Variants in KHDC4 observed in about 807,000 individuals in gnomAD.
The protein encoded by KHDC4 is KH domain containing 4, pre-mRNA splicing factor.
KHDC4 carries 19 observed loss-of-function variants against 74.5 expected under a neutral mutation model. The observed-to-expected ratio is 0.26, with a 90% CI of 0.18 to 0.37. The LOEUF is 0.37. Ranked by LOEUF, KHDC4 falls within the 10% of genes least tolerant of loss-of-function variation. The pLI, the probability that KHDC4 is intolerant of heterozygous loss-of-function variation, is 1.00. For missense variants in KHDC4, 632 were observed against 754.1 expected (o/e 0.84, Z 1.90); for synonymous variants, 253 against 266.1 (o/e 0.95, Z 0.48).
intron 4 of KHDC4, among the ~76,000 whole-genome samples, chr1:155,928,012 TAGC>T (rs1175015947): frequency 6.6e-6 from 1 of 152,024 alleles, no homozygotes; most frequent in Non-Finnish European, 1.5e-5. Flanking sequence ...TAATAAAAAG[TAGC>T]AGGTAAAAAT....
chr1:155,914,414 T>A, intron 13 of KHDC4, 94 bp from the exon 14 acceptor site: 1 of 1,061,410 alleles, frequency 9.4e-7, no homozygotes, highest in Non-Finnish European at 1.4e-6. Flanking sequence ...ATGTTAATTT[T>A]AAGTGGTTAG....
At chr1:155,930,936 G>C (rs1241641317) in intron 2 of KHDC4, among the ~76,000 whole-genome samples, 1 of 152,074 alleles carries the variant, frequency 6.6e-6, no homozygotes, top group South Asian at 2.1e-4. Context: ...GCTTGAAGCC[G>C]GGAGGCAGAG....
intron 11 of KHDC4, chr1:155,917,004 T>C (rs1026911631): frequency 3.1e-5 from 9 of 290,740 alleles, no homozygotes; most frequent in South Asian, 2.7e-4. Flanking sequence ...CTAGTTTCTA[T>C]AAACCTAGCT....
rs1203084935 is a variant in KHDC4 at position 155,929,307 on chromosome 1, T to C, written c.453A>G (p.Lys151=). Residue 151 remains lysine (K), a synonymous_variant, in exon 4 of 14, where the codon AAA becomes AAG. Coordinates refer to ENST00000368321, the MANE Select transcript of KHDC4 (RefSeq NM_014949.4). Reference sequence around the variant, plus strand: ...AAGAGAATACGCACCCTGGTCCCACTTTGGCTTTTTCCTCAGTTGTCATGA... The same window carrying C: ...AAGAGAATACGCACCCTGGTCCCACCTTGGCTTTTTCCTCAGTTGTCATGA... ...GRFMTTEEKA[K]VGPGDRPLYL... 3 of 1,612,948 alleles carry C rather than the reference T, an allele frequency of 1.9e-6. No individual in the cohort carries two copies. Among genetic ancestry groups the C allele is most frequent in the Non-Finnish European group, 2.5e-6 (3 of 1,178,956 alleles).
chr1:155,929,271 A>C (rs760461795), intron 4 of KHDC4, 25 bp downstream of exon 4: 2 of 1,554,302 alleles, frequency 1.3e-6, no homozygotes, highest in South Asian at 2.2e-5. Context: ...CAACCCTTCC[A>C]TAAACAAGAT....
chr1:155,931,999 G>A lies in KHDC4; in HGVS notation c.255+1634C>T, dbSNP rs75778845. ...TAGCCATTAGCCACATGTGTCTCTT[G>A]AGCACTTGGCAGGTGGCTAATGTGA... On this transcript the variant is annotated intron_variant, in intron 2 of 13. Coordinates refer to ENST00000368321, the MANE Select transcript of KHDC4 (RefSeq NM_014949.4). Among the ~76,000 whole-genome samples the A allele has an allele frequency of 1.4e-4, 21 of 152,312 alleles. No individual in the cohort carries two copies. In the East Asian group the frequency reaches 4.0e-3, roughly 29 times the overall value.
chr1:155,920,920 A>G (rs1673848507), intron 10 of KHDC4, among the ~76,000 whole-genome samples: 1 of 152,190 alleles, frequency 6.6e-6, no homozygotes, highest in Admixed American at 6.5e-5. Flanking sequence ...TTAGGCAAAC[A>G]ATGGCCAAGG....
At chr1:155,934,217 C>G (rs944303335) in intron 1 of KHDC4, 119 bp downstream of exon 1, 2 of 1,091,012 alleles carry the variant, frequency 1.8e-6, no homozygotes, top group Non-Finnish European at 2.6e-6. Context: ...TCTCCCCAAA[C>G]GTCCAGCCCT....
rs868673798 is a variant in KHDC4 at position 155,917,652 on chromosome 1, A to C, written c.1287T>G (p.Phe429Leu). 6.3e-7 allele frequency: 1 copy of C among 1,577,256 alleles called. No individual in the cohort carries two copies. The highest frequency in any genetic ancestry group is 2.3e-4 in the Middle Eastern group (1 of 4,380). The change falls in exon 11 of 14, where the codon TTT becomes TTG. Residue 429 changes from phenylalanine (F) to leucine (L), a missense_variant. Around this residue, in one of 4 missense-constraint regions of KHDC4, gnomAD observed 254 missense variants for 267.4 expected, o/e 0.95. Transcript: ENST00000368321. ...CAGTTTTGACAGGAGCAGCAGGAAT[A>C]AAAGGACCACCCATCGGACTCTGGG... Reference protein sequence around the residue: ...STGQSPMGGPFIPAAPVKTAL... With the variant: ...STGQSPMGGPLIPAAPVKTAL...
chr1:155,924,379 T>C lies in KHDC4; in HGVS notation c.894-692A>G, dbSNP rs187901444. On this transcript the variant is annotated intron_variant, in intron 7 of 13. Transcript: ENST00000368321. ...GCCTGCCACCATGCCTGGCTAATTTTTTTGTTTTATTTTTAGTAGAAACGG... is the reference window on the plus strand; with the variant it reads ...GCCTGCCACCATGCCTGGCTAATTTCTTTGTTTTATTTTTAGTAGAAACGG... 2.3e-3 allele frequency among the ~76,000 whole-genome samples: 351 copies of C among 151,682 alleles called. 2 individuals are homozygous for C. The highest frequency in any genetic ancestry group is 8.2e-3 in the African/African-American group (341 of 41,402).
At chr1:155,921,798 T>C in intron 9 of KHDC4, 63 bp downstream of exon 9, 2 of 1,426,890 alleles carry the variant, frequency 1.4e-6, no homozygotes, top group Middle Eastern at 1.8e-4. Flanking sequence ...TAGCCTCAAG[T>C]ATCATAGTTA....
chr1:155,926,084 A>C (rs1361716845), intron 6 of KHDC4: 1 of 695,078 alleles, frequency 1.4e-6, no homozygotes, highest in South Asian at 1.4e-5. Flanking sequence ...TTAGTCCTCC[A>C]GTTGTCATCA....
chr1:155,933,841 C>A lies in KHDC4; in HGVS notation c.47G>T (p.Ser16Ile). 6.5e-7 allele frequency: 1 copy of A among 1,546,824 alleles called. No individual in the cohort carries two copies. The highest frequency in any genetic ancestry group is 8.7e-7 in the Non-Finnish European group (1 of 1,143,486). ...ATHPGAGGRR[S>I]KWDQPAPAPL... is the part of the protein sequence containing the mutation. ...GGCTGGAGCTGGTTGGTCCCATTTG[C>A]TGCGGCGCCTACATGGAGAAAAAGG... The change falls in exon 2 of 14, where the codon AGC becomes ATC. Residue 16 changes from serine to isoleucine, a missense_variant. Transcript: ENST00000368321.
At chr1:155,921,317 T>C in intron 10 of KHDC4, 58 bp downstream of exon 10, 1 of 1,581,142 alleles carries the variant, frequency 6.3e-7, no homozygotes, top group South Asian at 1.1e-5. Context: ...CTACTTCCCC[T>C]CTTTCCCCAG....
chr1:155,919,070 C>G (rs775336711), intron 10 of KHDC4, among the ~76,000 whole-genome samples: 2 of 146,392 alleles, frequency 1.4e-5, no homozygotes, highest in Non-Finnish European at 3.0e-5. Context: ...TGGGTTCAAG[C>G]AATTCTCCTG....
At chr1:155,922,722 A>G (rs1020502287) in intron 8 of KHDC4, among the ~76,000 whole-genome samples, 1 of 152,196 alleles carries the variant, frequency 6.6e-6, no homozygotes. Context: ...TATTAAGTCC[A>G]TAACCTCAAG....
intron 7 of KHDC4, among the ~76,000 whole-genome samples, chr1:155,924,924 T>G (rs1270621264): frequency 6.6e-6 from 1 of 151,596 alleles, no homozygotes; most frequent in Non-Finnish European, 1.5e-5. Flanking sequence ...AGTGCAGTGG[T>G]GCAAACACAG....
At position 155,914,327 on chromosome 1, in the gene KHDC4, T is replaced by C. The variant is rs748016662; in HGVS notation, c.1646-7A>G. ...ATCTTCTTGGCTGGATAATCTAGAA[T>C]AGAGAAAAAACAACCCCAACCCCAT... On this transcript the variant is annotated splice_polypyrimidine_tract_variant and splice_region_variant and intron_variant, in intron 13 of 13. Coordinates refer to ENST00000368321, the MANE Select transcript of KHDC4 (RefSeq NM_014949.4). 4.4e-6 allele frequency: 7 copies of C among 1,601,384 alleles called. No homozygotes were observed. Among genetic ancestry groups the C allele is most frequent in the Admixed American group, 1.7e-5 (1 of 59,024 alleles).
chr1:155,919,222 C>T (rs980791251), intron 10 of KHDC4, among the ~76,000 whole-genome samples: 3 of 151,988 alleles, frequency 2.0e-5, no homozygotes, highest in Admixed American at 1.3e-4. Flanking sequence ...CCCGCCCCAA[C>T]CTCCCAAAGT....
Sources: allele counts gnomAD v4.1 joint callset (sites outside exome capture counted in the v4.1 genomes callset), GRCh38; gene constraint gnomAD v4.1.1; regional missense constraint gnomAD v4.1.1; transcripts MANE v1.5; gene names NCBI Gene and HGNC (gene_info 2026-07-23, HGNC 2026-07-21).